Variants in TFEC observed in about 807,000 individuals in gnomAD.
The protein encoded by TFEC is class E basic helix-loop-helix protein 34.
In TFEC, 31 loss-of-function variants were observed where a neutral mutation model predicts 41.6. That is an observed-to-expected ratio of 0.74 (90% confidence interval 0.56 to 1.01). The LOEUF is 1.01. Ranked by LOEUF, TFEC falls within the 50% of genes least tolerant of loss-of-function variation. The pLI is 0.00. For missense variants in TFEC, 402 were observed against 404.1 expected (o/e 0.99, Z 0.04); for synonymous variants, 143 against 140.6 (o/e 1.02, Z -0.12).
chr7:116,070,350 T>C (rs1048171043), intron 3 of TFEC, among the ~76,000 whole-genome samples: 3 of 151,468 alleles, frequency 2.0e-5, no homozygotes, highest in Admixed American at 6.6e-5. Context: ...AAATAGATTT[T>C]TGCTTATACC....
chr7:116,003,396 C>T (rs1238488589), intron 1 of TFEC, among the ~76,000 whole-genome samples: 7 of 151,890 alleles, frequency 4.6e-5, no homozygotes, highest in Non-Finnish European at 1.0e-4. Context: ...ATAAAGAGGG[C>T]CATTAGATGA....
chr7:116,134,445 T>C (rs1798396773), intron 1 of TFEC, among the ~76,000 whole-genome samples: 1 of 152,140 alleles, frequency 6.6e-6, no homozygotes. Flanking sequence ...TAAAAGCTAA[T>C]CAGAAACATT....
chr7:116,113,690 GATAAA>G (rs1797907292), intron 1 of TFEC, among the ~76,000 whole-genome samples: 1 of 151,990 alleles, frequency 6.6e-6, no homozygotes, highest in African/African-American at 2.4e-5. Context: ...TGCGTTCACT[GATAAA>G]ATAAATCTGT....
chr7:115,966,703 T>A (rs1554388532), intron 3 of TFEC, among the ~76,000 whole-genome samples: 1 of 151,786 alleles, frequency 6.6e-6, no homozygotes, highest in Non-Finnish European at 1.5e-5. Flanking sequence ...TTTAAAACTT[T>A]TAGTCTTAAG....
intron 2 of TFEC, among the ~76,000 whole-genome samples, chr7:115,981,203 C>G (rs1015063835): frequency 2.0e-5 from 3 of 152,004 alleles, no homozygotes; most frequent in Non-Finnish European, 4.4e-5. Flanking sequence ...TTATGCTTGT[C>G]TACTCTGCCC....
chr7:116,140,358 G>T lies in TFEC; in HGVS notation c.-69+19432C>A, dbSNP rs569131259. On this transcript the variant is annotated intron_variant, in intron 1 of 8. Transcript: ENST00000484212. The stretch of plus-strand genomic sequence containing the variant: ...AGAGCCAATTTAATCTATGTGTTCT[G>T]TTTAGTATTCCACAGAATCAATAAC... 1.6e-3 allele frequency among the ~76,000 whole-genome samples: 250 copies of T among 152,242 alleles called. 1 individual carries two copies. The highest frequency in any genetic ancestry group is 3.4e-3 in the Middle Eastern group (1 of 294).
intron 6 of TFEC, among the ~76,000 whole-genome samples, chr7:115,944,257 T>C (rs529148829): frequency 4.6e-5 from 7 of 151,522 alleles, no homozygotes; most frequent in Admixed American, 3.9e-4. Flanking sequence ...TTTCTACTCA[T>C]GTAATTTTTG....
chr7:116,057,882 TAGTA>T (rs1216320063), intron 3 of TFEC, among the ~76,000 whole-genome samples: 3 of 151,792 alleles, frequency 2.0e-5, no homozygotes, highest in Non-Finnish European at 3.0e-5. Context: ...CAAGGAATTA[TAGTA>T]AGTAAGCCAA....
chr7:115,984,509 G>T lies in TFEC; in HGVS notation c.-68C>A, dbSNP rs144238660. On this transcript the variant is annotated 5_prime_UTR_variant, in exon 2 of 8. Transcript: ENST00000265440. ...CCTTGCAGAACTTTCCAGGTGTGCT[G>T]GGACCTACAAGATCAAAATTAAACA... 6.6e-4 allele frequency: 1,066 copies of T among 1,613,524 alleles called. 7 individuals carry two copies. In the African/African-American group the frequency reaches 0.013, roughly 20 times the overall value.
At chr7:115,960,848 G>A (rs1173521778) in intron 3 of TFEC, among the ~76,000 whole-genome samples, 1 of 151,622 alleles carries the variant, frequency 6.6e-6, no homozygotes, top group Non-Finnish European at 1.5e-5. Flanking sequence ...TCCAGCAGAT[G>A]ATATCCATGG....
chr7:116,137,708 C>T (rs1798460762), intron 1 of TFEC, among the ~76,000 whole-genome samples: 2 of 152,116 alleles, frequency 1.3e-5, no homozygotes, highest in African/African-American at 2.4e-5. Context: ...TGAAATTCTA[C>T]TAGAAGGGTT....
intron 3 of TFEC, among the ~76,000 whole-genome samples, chr7:115,969,735 A>G (rs969312335): frequency 2.0e-5 from 3 of 152,012 alleles, no homozygotes; most frequent in Admixed American, 2.0e-4. Flanking sequence ...CTGTAAGGGA[A>G]CAAAATGTAG....
At chr7:116,049,722 G>A (rs1796262486) in intron 3 of TFEC, among the ~76,000 whole-genome samples, 1 of 152,132 alleles carries the variant, frequency 6.6e-6, no homozygotes, top group Non-Finnish European at 1.5e-5. Context: ...TGACCACATA[G>A]TTGGAAGTAA....
At chr7:115,971,582 A>G (rs1420090526) in intron 3 of TFEC, among the ~76,000 whole-genome samples, 1 of 151,916 alleles carries the variant, frequency 6.6e-6, no homozygotes, top group East Asian at 1.9e-4. Flanking sequence ...TTACAGACTG[A>G]AGAAAACTTC....
rs1042331035 is a variant in TFEC, at chr7:116,049,307, C to CA, written c.198+61400dup. On this transcript the variant is annotated intron_variant, in intron 3 of 8. Coordinates refer to the TFEC transcript ENST00000484212. ...GAAGATCTACCAAGCAAATGGAAAA[C>CA]AAAAAAAACAGGGGTTGCAATCCTA... 5.0e-4 allele frequency among the ~76,000 whole-genome samples: 75 copies of CA among 151,210 alleles called. 1 individual carries two copies. The highest frequency in any genetic ancestry group is 2.4e-4 in the Non-Finnish European group (16 of 67,690).
chr7:116,068,031 G>T (rs957365234), intron 3 of TFEC, among the ~76,000 whole-genome samples: 1 of 151,590 alleles, frequency 6.6e-6, no homozygotes, highest in African/African-American at 2.4e-5. Context: ...AAAAAAATAA[G>T]TCCATAAAAA....
chr7:116,144,921 A>ACT (rs1192582865), intron 1 of TFEC, among the ~76,000 whole-genome samples: 4 of 151,112 alleles, frequency 2.6e-5, no homozygotes, highest in South Asian at 2.1e-4. Context: ...GTCAGTTACC[A>ACT]CTCTCTCTCT....
chr7:116,112,087 T>C (rs1009001224), intron 1 of TFEC: 1 of 886,886 alleles, frequency 1.1e-6, no homozygotes, highest in Non-Finnish European at 1.4e-6. Context: ...ACTTTAATAA[T>C]ACTGTTCTTA....
chr7:115,941,423 A>G (rs1221449787), intron 7 of TFEC: 1 of 165,156 alleles, frequency 6.1e-6, no homozygotes, highest in Admixed American at 6.3e-5. Flanking sequence ...CTGTCACAAC[A>G]TGCCTTGAGG....
Sources: gnomAD v4.1 joint callset for allele counts (sites outside exome capture counted in the v4.1 genomes callset) on GRCh38, gnomAD v4.1.1 for gene constraint, MANE v1.5 for transcripts, NCBI Gene and HGNC (gene_info 2026-07-23, HGNC 2026-07-21) for gene names.